GMDS: variants seen among roughly 807,000 people sequenced by gnomAD.
GMDS encodes the protein GDP-mannose 4,6 dehydratase.
GMDS carries 20 observed loss-of-function variants against 49.9 expected under a neutral mutation model. That is an observed-to-expected ratio of 0.40 (90% CI 0.28 to 0.58). The LOEUF (loss-of-function observed/expected upper bound fraction) is 0.58. GMDS is among the 20% of genes least tolerant of loss of function. The pLI, the probability that GMDS is intolerant of heterozygous loss-of-function variation, is 0.42. For missense variants in GMDS, 362 were observed against 481.4 expected (o/e 0.75, Z 2.32); for synonymous variants, 177 against 178.6 (o/e 0.99, Z 0.07).
chr6:1,781,268 G>A (rs1189675046), intron 7 of GMDS, among the ~76,000 whole-genome samples: 1 of 152,182 alleles, frequency 6.6e-6, no homozygotes, highest in African/African-American at 2.4e-5. Flanking sequence ...CCTTGCTGCT[G>A]GTTCAGGTCC....
chr6:1,712,162 G>A (rs1368957125), intron 9 of GMDS, among the ~76,000 whole-genome samples: 1 of 152,170 alleles, frequency 6.6e-6, no homozygotes, highest in African/African-American at 2.4e-5. Context: ...AGAAGATGCT[G>A]GAAAATTAAG....
intron 4 of GMDS, among the ~76,000 whole-genome samples, chr6:2,072,406 T>C (rs546135758): frequency 2.3e-4 from 35 of 152,300 alleles, no homozygotes; most frequent in Non-Finnish European, 4.7e-4. Flanking sequence ...CCTATCCTTT[T>C]CATTTTAAAT....
intron 9 of GMDS, among the ~76,000 whole-genome samples, chr6:1,672,993 CG>C (rs11358642): frequency 0.11 from 16,177 of 152,252 alleles, 1,213 homozygotes; most frequent in African/African-American, 0.22. Context: ...TTGGGAATTG[CG>C]AAGTCTATAC....
intron 4 of GMDS, among the ~76,000 whole-genome samples, chr6:2,096,908 G>A (rs1050759758): frequency 9.2e-5 from 14 of 151,980 alleles, no homozygotes; most frequent in African/African-American, 3.1e-4. Flanking sequence ...GACTAATTAA[G>A]TTAGTGACTG....
chr6:1,950,172 A>G (rs915987819), intron 6 of GMDS, among the ~76,000 whole-genome samples: 1 of 152,344 alleles, frequency 6.6e-6, no homozygotes, highest in Non-Finnish European at 1.5e-5. Flanking sequence ...TCTATCATGC[A>G]TTATATTATT....
chr6:1,646,442 A>T (rs142595619), intron 9 of GMDS, among the ~76,000 whole-genome samples: 1 of 152,204 alleles, frequency 6.6e-6, no homozygotes, highest in Non-Finnish European at 1.5e-5. Flanking sequence ...GTTTTGAGAC[A>T]GGGTCTGGCT....
chr6:1,765,896 G>A (rs1425884778), intron 7 of GMDS, among the ~76,000 whole-genome samples: 1 of 152,142 alleles, frequency 6.6e-6, no homozygotes, highest in Non-Finnish European at 1.5e-5. Flanking sequence ...AGGCCCTTGC[G>A]AGACTCAGCC....
intron 6 of GMDS, among the ~76,000 whole-genome samples, chr6:1,939,582 T>G (rs28447670): frequency 8.3e-6 from 1 of 120,470 alleles, no homozygotes; most frequent in Non-Finnish European, 1.9e-5. Context: ...TACATATATA[T>G]ACACACACAC....
At chr6:1,779,668 C>T (rs1316285669) in intron 7 of GMDS, among the ~76,000 whole-genome samples, 2 of 152,132 alleles carry the variant, frequency 1.3e-5, no homozygotes, top group Non-Finnish European at 2.9e-5. Context: ...CCAAGAACAG[C>T]GTATAAGCAG....
At chr6:1,943,981 C>A (rs1047682983) in intron 6 of GMDS, among the ~76,000 whole-genome samples, 2 of 152,176 alleles carry the variant, frequency 1.3e-5, no homozygotes, top group Non-Finnish European at 2.9e-5. Flanking sequence ...GAAATCAACT[C>A]CTTTTTGCAG....
intron 6 of GMDS, among the ~76,000 whole-genome samples, chr6:1,931,648 T>A (rs1248483823): frequency 6.6e-6 from 1 of 152,238 alleles, no homozygotes; most frequent in African/African-American, 2.4e-5. Flanking sequence ...TATTGACTTG[T>A]AAGAATTAAA....
chr6:1,896,904 G>T lies in GMDS; in HGVS notation c.771+33199C>A, dbSNP rs573885435. On this transcript the variant is annotated intron_variant, in intron 7 of 10. Coordinates refer to ENST00000380815, the MANE Select transcript of GMDS (RefSeq NM_001500.4). Reference sequence around the variant, plus strand: ...TGAACAGGGAGACAGGGATTTGACTGATGTCTCTGGGAAGGACAGGGCTCA... The same window carrying T: ...TGAACAGGGAGACAGGGATTTGACTTATGTCTCTGGGAAGGACAGGGCTCA... Among the ~76,000 whole-genome samples the T allele has an allele frequency of 2.6e-5, 4 of 152,328 alleles. No individual in the cohort carries two copies. The South Asian group carries it at 8.3e-4, about 32-fold the overall frequency.
chr6:2,081,880 CG>C (rs1772722601), intron 4 of GMDS, among the ~76,000 whole-genome samples: 1 of 152,068 alleles, frequency 6.6e-6, no homozygotes, highest in Admixed American at 6.6e-5. Flanking sequence ...AAGATATCAA[CG>C]AAGGTGGCCT....
chr6:1,700,102 A>G (rs1765492568), intron 9 of GMDS, among the ~76,000 whole-genome samples: 1 of 152,218 alleles, frequency 6.6e-6, no homozygotes. Context: ...ATGAGCTCCC[A>G]CAAAAGTTGG....
At chr6:2,160,505 T>C (rs1192732937) in intron 1 of GMDS, among the ~76,000 whole-genome samples, 2 of 152,216 alleles carry the variant, frequency 1.3e-5, no homozygotes, top group Non-Finnish European at 2.9e-5. Context: ...TAAAGACAAA[T>C]TTTCAAGTTG....
At chr6:2,165,561 T>C (rs1777622806) in intron 1 of GMDS, among the ~76,000 whole-genome samples, 1 of 152,212 alleles carries the variant, frequency 6.6e-6, no homozygotes, top group African/African-American at 2.4e-5. Context: ...AATGTTAGCC[T>C]CATCCAAAAA....
At chr6:1,831,035 C>A (rs1206556230) in intron 7 of GMDS, among the ~76,000 whole-genome samples, 2 of 152,196 alleles carry the variant, frequency 1.3e-5, no homozygotes, top group Non-Finnish European at 2.9e-5. Context: ...TTGGCCAATG[C>A]AGATACAGGT....
At chr6:2,045,820 T>C (rs541168941) in intron 4 of GMDS, among the ~76,000 whole-genome samples, 1 of 152,136 alleles carries the variant, frequency 6.6e-6, no homozygotes, top group African/African-American at 2.4e-5. Flanking sequence ...ATTTCAACAA[T>C]CCCATTTGTA....
chr6:1,844,820 G>A (rs1757315348), intron 7 of GMDS, among the ~76,000 whole-genome samples: 2 of 152,186 alleles, frequency 1.3e-5, no homozygotes, highest in Non-Finnish European at 2.9e-5. Flanking sequence ...TTATAAATAG[G>A]TTAGCTTCTT....
Sources: allele counts gnomAD v4.1 joint callset (sites outside exome capture counted in the v4.1 genomes callset), GRCh38; gene constraint gnomAD v4.1.1; transcripts MANE v1.5; gene names NCBI Gene and HGNC (gene_info 2026-07-23, HGNC 2026-07-21).